Variants in SLC44A1 observed in about 807,000 individuals in gnomAD.
SLC44A1 encodes the protein choline transporter-like protein 1.
SLC44A1 carries 26 observed loss-of-function variants against 79.3 expected under a neutral mutation model. That is an observed-to-expected ratio of 0.33 (90% CI 0.24 to 0.46). The LOEUF (loss-of-function observed/expected upper bound fraction) is 0.46, where lower values mean the gene tolerates loss of function less well. SLC44A1 is among the 20% of genes least tolerant of loss of function. The pLI, the probability that SLC44A1 is intolerant of heterozygous loss-of-function variation, is 1.00. For missense variants in SLC44A1, 688 were observed against 798.1 expected (o/e 0.86, Z 1.66); for synonymous variants, 263 against 286.2 (o/e 0.92, Z 0.82).
chr9:105,336,391 T>A (rs916634977), intron 4 of SLC44A1, among the ~76,000 whole-genome samples: 4 of 152,206 alleles, frequency 2.6e-5, no homozygotes, highest in African/African-American at 9.6e-5. Flanking sequence ...CTGAGAAAAC[T>A]AACATAGTTT....
At chr9:105,297,499 T>C (rs1422208036) in intron 1 of SLC44A1, among the ~76,000 whole-genome samples, 2 of 152,192 alleles carry the variant, frequency 1.3e-5, no homozygotes, top group Admixed American at 1.3e-4. Flanking sequence ...TTTTCCTGCC[T>C]CAGCCTCCCA....
chr9:105,329,660 G>A (rs7028738), intron 3 of SLC44A1, among the ~76,000 whole-genome samples: 2,472 of 152,068 alleles, frequency 0.016, 67 homozygotes, highest in African/African-American at 0.057. Flanking sequence ...TTCTAAGGAC[G>A]GCTACATTTT....
At chr9:105,253,313 A>T (rs1280817432) in intron 1 of SLC44A1, among the ~76,000 whole-genome samples, 2 of 152,200 alleles carry the variant, frequency 1.3e-5, no homozygotes, top group African/African-American at 4.8e-5. Flanking sequence ...TTACTTCAAG[A>T]TATTTAAGTA....
intron 5 of SLC44A1, among the ~76,000 whole-genome samples, chr9:105,352,332 C>T (rs1199882224): frequency 6.6e-6 from 1 of 152,104 alleles, no homozygotes; most frequent in African/African-American, 2.4e-5. Flanking sequence ...AGACCCCTGC[C>T]TTCTTGTGAA....
intron 15 of SLC44A1, among the ~76,000 whole-genome samples, chr9:105,434,870 C>T (rs554833568): frequency 2.0e-5 from 3 of 152,254 alleles, no homozygotes; most frequent in South Asian, 4.1e-4. Context: ...GAGATCCAGG[C>T]ACAATGGCTC....
chr9:105,342,453 T>G (rs1827123446), intron 4 of SLC44A1, among the ~76,000 whole-genome samples: 1 of 152,132 alleles, frequency 6.6e-6, no homozygotes, highest in South Asian at 2.1e-4. Context: ...GGTCTTGGAA[T>G]GTATTCCCAT....
rs1425180311 is a variant in SLC44A1 at position 105,253,117 on chromosome 9, A to G, written c.36+8213A>G. Among the ~76,000 whole-genome samples the G allele has an allele frequency of 2.0e-5, 3 of 152,206 alleles. No individual in the cohort carries two copies. In the East Asian group the frequency reaches 5.8e-4, roughly 29 times the overall value. On this transcript the variant is annotated intron_variant, in intron 1 of 15. Transcript: ENST00000374720. ...TTATTATTCCTTTTAGTTACTCTCT[A>G]CAATATCCCACAACCAGATATTTAG...
Position 105,410,798 on chromosome 9 carries a change from T to G in SLC44A1, c.1950+25296T>G, listed in dbSNP as rs150834398. 2.5e-3 allele frequency among the ~76,000 whole-genome samples: 379 copies of G among 152,298 alleles called. 1 individual carries two copies. The highest frequency in any genetic ancestry group is 8.6e-3 in the African/African-American group (356 of 41,558). On this transcript the variant is annotated intron_variant, in intron 15 of 15. Coordinates refer to the SLC44A1 transcript ENST00000374724. ...GTAGAAATAACTAATGTCCATCAGC[T>G]GATGAATGATAAGCAAAATGTTGTA...
In SLC44A1 at chr9:105,371,392, A is replaced by C. The variant is rs534419950; in HGVS notation, c.1495-3206A>C. Among the ~76,000 whole-genome samples the C allele has an allele frequency of 4.0e-4, 61 of 152,352 alleles. 1 individual carries two copies. Among genetic ancestry groups the C allele is most frequent in the African/African-American group, 1.4e-3 (59 of 41,588 alleles). Reference sequence around the variant, plus strand: ...TGAAAGCAGCCATAGACAATATGTAAACAATGAGCACAGTTATGTGCCAGT... The same window carrying C: ...TGAAAGCAGCCATAGACAATATGTACACAATGAGCACAGTTATGTGCCAGT... On this transcript the variant is annotated intron_variant, in intron 12 of 15. Transcript: ENST00000374720.
intron 15 of SLC44A1, among the ~76,000 whole-genome samples, chr9:105,425,022 G>C (rs1232440482): frequency 6.6e-6 from 1 of 151,438 alleles, no homozygotes; most frequent in Non-Finnish European, 1.5e-5. Flanking sequence ...AAATAACCAT[G>C]GTAACACCTC....
At chr9:105,281,370 T>G (rs1243329523) in intron 1 of SLC44A1, among the ~76,000 whole-genome samples, 5 of 152,222 alleles carry the variant, frequency 3.3e-5, no homozygotes, top group Non-Finnish European at 4.4e-5. Context: ...GTGCTTATAG[T>G]CTTTCTCTTT....
intron 1 of SLC44A1, among the ~76,000 whole-genome samples, chr9:105,271,832 T>C (rs1441894071): frequency 6.6e-6 from 1 of 152,178 alleles, no homozygotes; most frequent in Non-Finnish European, 1.5e-5. Flanking sequence ...CAGGCTGGTC[T>C]CAAACTCCTG....
intron 1 of SLC44A1, among the ~76,000 whole-genome samples, chr9:105,250,386 T>C (rs1237145352): frequency 1.2e-4 from 18 of 152,200 alleles, no homozygotes; most frequent in Admixed American, 1.2e-3. Flanking sequence ...AACAGTACAG[T>C]CATTTAAAAA....
chr9:105,271,390 C>G (rs1830073031), intron 1 of SLC44A1, among the ~76,000 whole-genome samples: 1 of 152,134 alleles, frequency 6.6e-6, no homozygotes, highest in Non-Finnish European at 1.5e-5. Flanking sequence ...AAATTACCTC[C>G]CTTAATTCCA....
At chr9:105,327,553 G>A (rs906287361) in intron 3 of SLC44A1, among the ~76,000 whole-genome samples, 13 of 152,162 alleles carry the variant, frequency 8.5e-5, no homozygotes, top group African/African-American at 3.1e-4. Context: ...AAAGTGCTGG[G>A]ATTTACAGGC....
intron 1 of SLC44A1, among the ~76,000 whole-genome samples, chr9:105,262,790 A>G (rs1358695909): frequency 1.3e-5 from 2 of 152,214 alleles, no homozygotes; most frequent in Admixed American, 6.5e-5. Context: ...TCCTACCACT[A>G]CATCAGACCA....
At chr9:105,325,207 T>C (rs539201291) in intron 3 of SLC44A1, among the ~76,000 whole-genome samples, 68 of 152,344 alleles carry the variant, frequency 4.5e-4, no homozygotes, top group South Asian at 2.1e-3. Flanking sequence ...TGCCATGGCA[T>C]GGATGAACCT....
At position 105,396,005 on chromosome 9, in the gene SLC44A1, T is replaced by TC; in HGVS notation, c.*6954dup. On this transcript the variant is annotated 3_prime_UTR_variant, in exon 16 of 16. Coordinates refer to ENST00000374720, the MANE Select transcript of SLC44A1 (RefSeq NM_080546.5). The stretch of plus-strand genomic sequence containing the variant: ...GAAACAGGGACTATTAAGTAGATTT[T>TC]CCCCCATCCTCTAGGTTCCTGTAGT... 9.1e-6 allele frequency: 9 copies of TC among 985,272 alleles called. No homozygotes were observed. Among genetic ancestry groups the TC allele is most frequent in the Non-Finnish European group, 1.1e-5 (9 of 829,874 alleles). 61.0% of individuals were successfully genotyped at this position (985,272 alleles called of 1,614,324 possible).
At chr9:105,341,061 C>T (rs1372153700) in intron 4 of SLC44A1, among the ~76,000 whole-genome samples, 2 of 152,022 alleles carry the variant, frequency 1.3e-5, no homozygotes, top group Non-Finnish European at 2.9e-5. Flanking sequence ...GCTGGCCAGG[C>T]GCATGGCTCA....
Sources: allele counts gnomAD v4.1 joint callset (sites outside exome capture counted in the v4.1 genomes callset), GRCh38; gene constraint gnomAD v4.1.1; transcripts MANE v1.5; gene names NCBI Gene and HGNC (gene_info 2026-07-23, HGNC 2026-07-21).